The following CTNNA2 variants were observed in gnomAD, a reference collection of about 807,000 sequenced individuals.
CTNNA2 encodes catenin alpha 2.
Under a neutral mutation model 101.0 loss-of-function variants are expected in CTNNA2, and 42 were observed. That is an observed-to-expected ratio of 0.42 (90% CI 0.32 to 0.54). The LOEUF is 0.54. CTNNA2 is among the 20% of genes least tolerant of loss of function. The probability of loss-of-function intolerance (pLI) is 0.14; values close to 1 mark genes in which losing one functional copy is unlikely to be tolerated. For missense variants in CTNNA2, 871 were observed against 1,223.1 expected (o/e 0.71, Z 4.29); for synonymous variants, 450 against 456.4 (o/e 0.99, Z 0.18).
chr2:80,304,610 T>TGCGGGAG (rs1553487361), intron 7 of CTNNA2: 3 of 148,544 alleles, frequency 2.0e-5, no homozygotes, highest in Non-Finnish European at 3.0e-5. Context: ...ACTCATGCTT[T>TGCGGGAG]GCGGGCGGCG....
intron 6 of CTNNA2, among the ~76,000 whole-genome samples, chr2:79,882,226 G>A (rs1314760465): frequency 1.3e-5 from 2 of 152,056 alleles, no homozygotes; most frequent in African/African-American, 4.8e-5. Flanking sequence ...TTTCTCTCTG[G>A]CTGCCCTTAA....
At chr2:80,539,636 A>G (rs540836462) in intron 9 of CTNNA2, among the ~76,000 whole-genome samples, 1 of 152,210 alleles carries the variant, frequency 6.6e-6, no homozygotes, top group East Asian at 1.9e-4. Flanking sequence ...CCTCAAGATA[A>G]CTGGTTTTAA....
intron 2 of CTNNA2, among the ~76,000 whole-genome samples, chr2:79,731,449 C>T (rs1311513850): frequency 6.6e-6 from 1 of 152,054 alleles, no homozygotes; most frequent in African/African-American, 2.4e-5. Context: ...TGAATTAAAA[C>T]TGATTGATAA....
At chr2:80,344,900 A>G (rs761325491) in intron 7 of CTNNA2, among the ~76,000 whole-genome samples, 16 of 152,078 alleles carry the variant, frequency 1.1e-4, no homozygotes, top group Non-Finnish European at 1.9e-4. Flanking sequence ...TCATCCTCTC[A>G]TATTCCATGT....
intron 9 of CTNNA2, among the ~76,000 whole-genome samples, chr2:80,472,241 ATGAT>A (rs1371462606): frequency 6.6e-6 from 1 of 152,142 alleles, no homozygotes; most frequent in African/African-American, 2.4e-5. Context: ...TAGGGATAGG[ATGAT>A]TATGGTGATC....
intron 2 of CTNNA2, among the ~76,000 whole-genome samples, chr2:79,715,068 G>A (rs894117585): frequency 2.0e-5 from 3 of 150,988 alleles, no homozygotes; most frequent in Non-Finnish European, 4.4e-5. Flanking sequence ...TTAACCAGGC[G>A]TGGTGGTGGA....
chr2:79,436,634 ATTC>A (rs1678717423), intron 4 of CTNNA2, among the ~76,000 whole-genome samples: 1 of 136,044 alleles, frequency 7.4e-6, no homozygotes, highest in Admixed American at 7.6e-5. Flanking sequence ...TTGATTAAAT[ATTC>A]TTTTTTTTTT....
chr2:79,618,119 C>T (rs1678754543), intron 1 of CTNNA2, among the ~76,000 whole-genome samples: 1 of 152,258 alleles, frequency 6.6e-6, no homozygotes, highest in South Asian at 2.1e-4. Flanking sequence ...CAGCGTTAAG[C>T]CATGTGCCAA....
intron 2 of CTNNA2, among the ~76,000 whole-genome samples, chr2:79,741,454 A>G (rs1320479043): frequency 3.9e-5 from 6 of 152,148 alleles, no homozygotes; most frequent in Non-Finnish European, 8.8e-5. Flanking sequence ...TAAACTGGGC[A>G]GAAATGACAT....
chr2:79,955,897 C>T (rs1689191081), intron 7 of CTNNA2, among the ~76,000 whole-genome samples: 4 of 152,176 alleles, frequency 2.6e-5, no homozygotes, highest in Admixed American at 2.6e-4. Flanking sequence ...GAGTATACAC[C>T]TGCCAGTCAC....
At chr2:80,537,004 C>T (rs1691093400) in intron 9 of CTNNA2, among the ~76,000 whole-genome samples, 1 of 152,066 alleles carries the variant, frequency 6.6e-6, no homozygotes, top group Non-Finnish European at 1.5e-5. Flanking sequence ...TTTGCTGCAC[C>T]CATCAACCCA....
chr2:80,261,941 G>C (rs1672642524), intron 7 of CTNNA2, among the ~76,000 whole-genome samples: 1 of 152,088 alleles, frequency 6.6e-6, no homozygotes, highest in South Asian at 2.1e-4. Flanking sequence ...ACATAAATGT[G>C]GTGACATCTG....
At chr2:80,088,934 C>T (rs1558796383) in intron 7 of CTNNA2, among the ~76,000 whole-genome samples, 4 of 151,920 alleles carry the variant, frequency 2.6e-5, no homozygotes, top group Admixed American at 6.6e-5. Flanking sequence ...CCTACTCCTG[C>T]TTGGAAATTT....
At position 79,257,622 on chromosome 2, in the gene CTNNA2, G is replaced by A. The variant is rs140907471; in HGVS notation, c.-405-55087G>A. On this transcript the variant is annotated intron_variant, in intron 2 of 21. Coordinates refer to the CTNNA2 transcript ENST00000466387. ...AGAAAGTGGAACCATACCACTCCAA[G>A]AATACATCACAGAGTCTATCAAAAG... Among the ~76,000 whole-genome samples the A allele has an allele frequency of 5.2e-3, 787 of 151,948 alleles. 8 individuals are homozygous for A. Among genetic ancestry groups the A allele is most frequent in the African/African-American group, 0.018 (744 of 41,474 alleles).
intron 7 of CTNNA2, among the ~76,000 whole-genome samples, chr2:80,096,462 GA>G (rs1158006007): frequency 6.6e-6 from 1 of 152,182 alleles, no homozygotes; most frequent in Non-Finnish European, 1.5e-5. Flanking sequence ...GTGTGGTGCT[GA>G]AAAGAATATA....
intron 2 of CTNNA2, among the ~76,000 whole-genome samples, chr2:79,206,316 C>T (rs1452304067): frequency 6.6e-6 from 1 of 151,638 alleles, no homozygotes; most frequent in African/African-American, 2.4e-5. Context: ...TGACTAGTAC[C>T]TTTAAATATA....
intron 2 of CTNNA2, among the ~76,000 whole-genome samples, chr2:79,731,714 G>A (rs992230541): frequency 2.6e-5 from 4 of 152,030 alleles, no homozygotes; most frequent in African/African-American, 9.7e-5. Context: ...GTTCATTTGG[G>A]CTGGAAGTAT....
intron 14 of CTNNA2, 33 bp from the exon 15 acceptor site, chr2:80,589,271 C>T (rs1171023245): frequency 6.2e-7 from 1 of 1,608,168 alleles, no homozygotes; most frequent in Non-Finnish European, 8.5e-7. Flanking sequence ...TCCTTTGTCA[C>T]CGTCACTCAC....
chr2:79,787,271 T>C (rs975586436), intron 3 of CTNNA2, among the ~76,000 whole-genome samples: 1 of 152,194 alleles, frequency 6.6e-6, no homozygotes, highest in Non-Finnish European at 1.5e-5. Context: ...CTTTCTATTT[T>C]AGCAACTTCA....
Sources: allele counts gnomAD v4.1 joint callset (sites outside exome capture counted in the v4.1 genomes callset), GRCh38; gene constraint gnomAD v4.1.1; transcripts MANE v1.5; gene names NCBI Gene and HGNC (gene_info 2026-07-23, HGNC 2026-07-21).